The following SH2D3C variants were observed in gnomAD, a reference collection of about 807,000 sequenced individuals.
SH2D3C encodes the protein SH2 domain containing 3C, also known as SH2 domain-containing protein 3C.
A neutral mutation model predicts 75.2 loss-of-function variants in SH2D3C; 25 were observed. The ratio of observed to expected loss-of-function variants is 0.33; its 90% CI spans 0.24 to 0.46. The LOEUF is 0.46. Ranked by LOEUF, SH2D3C falls within the 20% of genes least tolerant of loss-of-function variation. The pLI is 1.00. For missense variants in SH2D3C, 933 were observed against 1,165.3 expected, an observed-to-expected ratio of 0.80 and a Z score of 2.90; for synonymous variants, 450 against 473.7, an observed-to-expected ratio of 0.95 and a Z score of 0.65.
rs1398100813 is a variant in SH2D3C, at chr9:127,739,443, G to A, written c.2407+239C>T. ...GAGAATCGCTTGAACTTGGGAGGCG[G>A]AGGTTGCAGTGAGCCGAGACTGTGC... is the stretch of plus-strand genomic sequence containing the variant. On this transcript the variant is annotated intron_variant, in intron 11 of 11. Coordinates refer to ENST00000314830, the MANE Select transcript of SH2D3C (RefSeq NM_170600.3). This position sits in a 1 kb window ranked among gnomAD's most constrained non-coding sequence, Gnocchi z 4.3. Among the ~76,000 whole-genome samples, 2 of 152,082 alleles carry A rather than the reference G, an allele frequency of 1.3e-5. No individual in the cohort carries two copies. The highest frequency in any genetic ancestry group is 4.8e-5 in the African/African-American group (2 of 41,420).
chr9:127,740,092 G>A (rs920615974), intron 10 of SH2D3C, among the ~76,000 whole-genome samples, 166 bp downstream of exon 10: 2 of 152,196 alleles, frequency 1.3e-5, no homozygotes, highest in African/African-American at 4.8e-5. Flanking sequence ...CCCAAGGGCT[G>A]AGCCTGGACA....
chr9:127,740,523 AC>A (rs1844824371), intron 9 of SH2D3C, among the ~76,000 whole-genome samples, 154 bp from the exon 10 acceptor site: 1 of 152,170 alleles, frequency 6.6e-6, no homozygotes, highest in Non-Finnish European at 1.5e-5. Context: ...TTTCATGTCT[AC>A]CATGAAGCTC....
intron 2 of SH2D3C, among the ~76,000 whole-genome samples, chr9:127,770,360 G>C (rs2417054): frequency 0.51 from 77,208 of 152,018 alleles, 20,821 homozygotes; most frequent in East Asian, 0.91. Flanking sequence ...CTCAGGAACA[G>C]GGCCCCCGAA....
Position 127,767,016 on chromosome 9 carries a change from C to T in SH2D3C, c.516-5366G>A, listed in dbSNP as rs1845648213. The T allele has an allele frequency of 2.6e-6, 4 of 1,536,186 alleles. No homozygotes were observed. In the Admixed American group the frequency reaches 5.9e-5, roughly 23 times the overall value. On this transcript the variant is annotated intron_variant, in intron 2 of 11. Coordinates refer to ENST00000314830, the MANE Select transcript of SH2D3C (RefSeq NM_170600.3). The stretch of plus-strand genomic sequence containing the variant: ...CTCTGCCAGGACACCAGCCATGGGG[C>T]CTGTGGGATTCCCTGCCGGGAAGGC...
intron 2 of SH2D3C, among the ~76,000 whole-genome samples, chr9:127,762,706 C>T (rs1845558662): frequency 2.0e-5 from 3 of 152,218 alleles, no homozygotes; most frequent in Non-Finnish European, 4.4e-5. Context: ...TCCGTGTCCA[C>T]TGCCACCCAC....
At position 127,749,066 on chromosome 9, in the gene SH2D3C, T is replaced by A. The variant is rs1447302113; in HGVS notation, c.1139+145A>T. On this transcript the variant is annotated intron_variant, in intron 5 of 11. Transcript: ENST00000314830. The surrounding 1 kb of genome is among the most constrained non-coding windows in gnomAD (Gnocchi z 5.9). ...CTGTGTTCTGTACATCCACAGAGTA[T>A]GGCCCAACCTTCCTCCCATTCCTCC... 2.9e-6 allele frequency: 2 copies of A among 680,960 alleles called. No homozygotes were observed. The highest frequency in any genetic ancestry group is 1.8e-5 in the African/African-American group (1 of 55,584). 42.2% of individuals were successfully genotyped at this position (680,960 alleles called of 1,614,324 possible). A position where few individuals can be genotyped will look rare whatever the true frequency, so the allele number is the denominator to read the frequency against.
intron 2 of SH2D3C, among the ~76,000 whole-genome samples, chr9:127,771,909 A>G (rs989691905): frequency 1.3e-5 from 2 of 152,178 alleles, no homozygotes; most frequent in Non-Finnish European, 2.9e-5. Flanking sequence ...CTGTGTTGAG[A>G]TTTTACAGGT....
chr9:127,760,822 T>G (rs1845508285), intron 3 of SH2D3C, among the ~76,000 whole-genome samples: 1 of 152,046 alleles, frequency 6.6e-6, no homozygotes, highest in Non-Finnish European at 1.5e-5. Context: ...TATTTATGAT[T>G]ATTATTATTA....
intron 2 of SH2D3C, among the ~76,000 whole-genome samples, chr9:127,769,077 C>T (rs1212255082): frequency 2.0e-5 from 3 of 152,156 alleles, no homozygotes; most frequent in Non-Finnish European, 2.9e-5. Context: ...GACCACAGAA[C>T]TCATTTATCT....
chr9:127,740,672 T>C (rs530840619), intron 9 of SH2D3C, among the ~76,000 whole-genome samples: 1 of 152,308 alleles, frequency 6.6e-6, no homozygotes, highest in Admixed American at 6.5e-5. Context: ...TTGTTCTTAT[T>C]TATTTATTTT....
rs1276878645 is a variant in SH2D3C at position 127,738,817 on chromosome 9, C to A, written c.2512G>T (p.Glu838Ter). 1.2e-6 allele frequency: 2 copies of A among 1,607,708 alleles called. No individual in the cohort carries two copies. Residue 838 changes from glutamate (E) to a stop codon, truncating the protein, a stop_gained, in exon 12 of 12, where the codon GAG becomes TAG. Coordinates refer to ENST00000314830, the MANE Select transcript of SH2D3C (RefSeq NM_170600.3). LOFTEE classifies it high-confidence loss of function. This position sits in a 1 kb window ranked among gnomAD's most constrained non-coding sequence, Gnocchi z 5.0. ...GCAGTGAGGACCTTGTCGAACTTCT[C>A]ATAGCGCCGGGCCTGGCTGCTGCTG... ...GASSSQARRY[E>*]KFDKVLTALS...
chr9:127,768,229 C>T (rs146626326), intron 2 of SH2D3C, among the ~76,000 whole-genome samples: 49 of 152,202 alleles, frequency 3.2e-4, no homozygotes, highest in African/African-American at 8.4e-4. Context: ...CCTGCAGGGC[C>T]GAGAGGGTCG....
At chr9:127,760,785 T>C (rs1386991471) in intron 3 of SH2D3C, among the ~76,000 whole-genome samples, 1 of 152,048 alleles carries the variant, frequency 6.6e-6, no homozygotes, top group Admixed American at 6.6e-5. Flanking sequence ...CAGCACGGGG[T>C]CTGCACACAG....
chr9:127,777,329 C>T (rs1162662113), intron 1 of SH2D3C, among the ~76,000 whole-genome samples: 2 of 152,092 alleles, frequency 1.3e-5, no homozygotes, highest in African/African-American at 4.8e-5. Flanking sequence ...TCTAGTACCT[C>T]TGTGCTCTTT....
In SH2D3C at chr9:127,749,513, T is replaced by C. The variant is rs892224424; in HGVS notation, c.837A>G (p.Thr279=). 6.2e-7 allele frequency: 1 copy of C among 1,614,122 alleles called. No homozygotes were observed. The highest frequency in any genetic ancestry group is 8.5e-7 in the Non-Finnish European group (1 of 1,180,004). The change falls in exon 5 of 12, where the codon ACA becomes ACG. Residue 279 remains threonine, a synonymous_variant. Coordinates refer to ENST00000314830, the MANE Select transcript of SH2D3C (RefSeq NM_170600.3). This position sits in a 1 kb window ranked among gnomAD's most constrained non-coding sequence, Gnocchi z 5.9. ...KVVVKAGESY[T]HIQYLFEQES... ...CCTGCTCAAACAGGTACTGGATGTG[T>C]GTGTAGCTCTCGCCTGCCTTCACCA...
chr9:127,740,025 G>A, intron 10 of SH2D3C, 137 bp from the exon 11 acceptor site: 2 of 897,846 alleles, frequency 2.2e-6, no homozygotes, highest in Non-Finnish European at 3.3e-6. Context: ...CTGACTCCTG[G>A]GACAAACCCT....
chr9:127,744,439 G>A, intron 7 of SH2D3C, 125 bp downstream of exon 7: 1 of 1,225,546 alleles, frequency 8.2e-7, no homozygotes, highest in Non-Finnish European at 1.1e-6. Flanking sequence ...GCAGGCAAAG[G>A]ACAGCCATGG....
Position 127,751,878 on chromosome 9 carries a change from G to A in SH2D3C, c.556-578C>T, listed in dbSNP as rs1207593766. On this transcript the variant is annotated intron_variant, in intron 3 of 11. Coordinates refer to ENST00000314830, the MANE Select transcript of SH2D3C (RefSeq NM_170600.3). The surrounding 1 kb of genome is among the most constrained non-coding windows in gnomAD (Gnocchi z 4.1). ...CACAGAACTGGTTGGACAAGGATAC[G>A]TTCTGGGATGGTGCATTCTACAATG... is the stretch of plus-strand genomic sequence containing the variant. Among the ~76,000 whole-genome samples the A allele has an allele frequency of 6.6e-6, 1 of 152,214 alleles. No homozygotes were observed. Among genetic ancestry groups the A allele is most frequent in the Non-Finnish European group, 1.5e-5 (1 of 68,032 alleles).
In SH2D3C at chr9:127,751,839, G is replaced by T. The variant is rs1845211698; in HGVS notation, c.556-539C>A. Among the ~76,000 whole-genome samples, 3 of 152,212 alleles carry T rather than the reference G, an allele frequency of 2.0e-5. No individual in the cohort carries two copies. The South Asian group carries it at 6.2e-4, about 31-fold the overall frequency. ...AAGGCAGCAGGTAACTGCAGGAAAA[G>T]CTATGAACAAAACCACAGAACTGGT... is the stretch of plus-strand genomic sequence containing the variant. On this transcript the variant is annotated intron_variant, in intron 3 of 11. Coordinates refer to ENST00000314830, the MANE Select transcript of SH2D3C (RefSeq NM_170600.3). This position sits in a 1 kb window ranked among gnomAD's most constrained non-coding sequence, Gnocchi z 4.1.
Sources: gnomAD v4.1 joint callset for allele counts (sites outside exome capture counted in the v4.1 genomes callset) on GRCh38, gnomAD v4.1.1 for gene constraint, Gnocchi (gnomAD v3.1) non-coding constraint, MANE v1.5 for transcripts, NCBI Gene and HGNC (gene_info 2026-07-23, HGNC 2026-07-21) for gene names.